SMAP2: variants seen among roughly 807,000 people sequenced by gnomAD.
The protein encoded by SMAP2 is stromal membrane-associated protein 2.
SMAP2 carries 25 observed loss-of-function variants against 56.4 expected under a neutral mutation model. The observed-to-expected ratio is 0.44, with a 90% CI of 0.32 to 0.62. The LOEUF (loss-of-function observed/expected upper bound fraction) is 0.62. SMAP2 is among the 20% of genes least tolerant of loss of function. SMAP2 has a pLI of 0.04. For missense variants in SMAP2, 388 were observed against 545.6 expected, an observed-to-expected ratio of 0.71 and a Z score of 2.88; for synonymous variants, 157 against 181.7, an observed-to-expected ratio of 0.86 and a Z score of 1.09.
chr1:40,410,404 G>A (rs1201403814), intron 4 of SMAP2, among the ~76,000 whole-genome samples: 12 of 151,492 alleles, frequency 7.9e-5, no homozygotes. Flanking sequence ...GGATGGACAT[G>A]TTGCATATAC....
chr1:40,349,822 A>G (rs777815862), intron 1 of SMAP2, among the ~76,000 whole-genome samples: 1 of 152,174 alleles, frequency 6.6e-6, no homozygotes, highest in African/African-American at 2.4e-5. Context: ...CCCAGCCACA[A>G]GATTATTTTC....
intron 8 of SMAP2, among the ~76,000 whole-genome samples, chr1:40,416,561 G>C (rs1277369192): frequency 6.6e-6 from 1 of 152,162 alleles, no homozygotes; most frequent in Non-Finnish European, 1.5e-5. Flanking sequence ...TCTAGCTCAA[G>C]GTCTGGATCT....
intron 1 of SMAP2, among the ~76,000 whole-genome samples, chr1:40,347,666 C>G (rs1028307193): frequency 6.6e-6 from 1 of 152,124 alleles, no homozygotes; most frequent in African/African-American, 2.4e-5. Flanking sequence ...CTGTACCTGG[C>G]CTGTCTTCAG....
chr1:40,419,349 C>CGGCTCA (rs1557472878), intron 9 of SMAP2, among the ~76,000 whole-genome samples: 2 of 150,214 alleles, frequency 1.3e-5, no homozygotes, highest in Admixed American at 6.6e-5. Flanking sequence ...GGCACAATCT[C>CGGCTCA]GGCTCACTGC....
intron 1 of SMAP2, among the ~76,000 whole-genome samples, chr1:40,350,774 C>A (rs1480928142): frequency 1.3e-5 from 2 of 152,116 alleles, no homozygotes; most frequent in African/African-American, 4.8e-5. Context: ...TGGAAGGAAC[C>A]AAACTGACAC....
chr1:40,359,051 A>G (rs1644448676), intron 1 of SMAP2, among the ~76,000 whole-genome samples: 1 of 151,896 alleles, frequency 6.6e-6, no homozygotes, highest in African/African-American at 2.4e-5. Flanking sequence ...TTTTGTTTTC[A>G]TTGACATGGA....
rs975328415 is a variant in SMAP2, at chr1:40,422,829, G to A, written c.*728G>A. On this transcript the variant is annotated 3_prime_UTR_variant, in exon 10 of 10. Coordinates refer to ENST00000372718, the MANE Select transcript of SMAP2 (RefSeq NM_022733.3). ...CCTGCCTTCAGTAGGATCTGGCTCCGTGGCTGGAGGACCAACCCCTATAGT... is the reference window on the plus strand; with the variant it reads ...CCTGCCTTCAGTAGGATCTGGCTCCATGGCTGGAGGACCAACCCCTATAGT... The A allele has an allele frequency of 2.0e-5, 3 of 152,938 alleles. No individual in the cohort carries two copies. The highest frequency in any genetic ancestry group is 2.1e-4 in the South Asian group (1 of 4,854). The allele number at this position is 152,938 out of a possible 1,614,324, so 9.5% of individuals were successfully genotyped here. A position where few individuals can be genotyped will look rare whatever the true frequency, so the allele number is the denominator to read the frequency against.
At chr1:40,392,899 A>G (rs1004898135) in intron 1 of SMAP2, among the ~76,000 whole-genome samples, 4 of 152,056 alleles carry the variant, frequency 2.6e-5, no homozygotes, top group African/African-American at 7.2e-5. Flanking sequence ...GGAGATCGAG[A>G]CCATCCTGAC....
In SMAP2 at chr1:40,380,529, C is replaced by CTTT. The variant is rs370625950; in HGVS notation, c.103+6315_103+6317dup. On this transcript the variant is annotated intron_variant, in intron 1 of 9. Transcript: ENST00000372718. The stretch of plus-strand genomic sequence containing the variant: ...AATTATTTTAGCTGTATCTGTGGCA[C>CTTT]TTTTTTTTTTTCTCTTTTGAGATGG... 4.9e-5 allele frequency among the ~76,000 whole-genome samples: 7 copies of CTTT among 142,874 alleles called. 1 individual carries two copies. Among genetic ancestry groups the CTTT allele is most frequent in the Non-Finnish European group, 7.5e-5 (5 of 66,562 alleles). The allele number at this position is 142,874 out of a possible 152,430, so 93.7% of individuals were successfully genotyped here. A position where few individuals can be genotyped will look rare whatever the true frequency, so the allele number is the denominator to read the frequency against.
intron 1 of SMAP2, among the ~76,000 whole-genome samples, chr1:40,345,809 A>T (rs1644382947): frequency 2.0e-5 from 3 of 147,290 alleles, no homozygotes; most frequent in Non-Finnish European, 4.5e-5. Flanking sequence ...AAGGAGGGGA[A>T]GGTATTATGC....
At chr1:40,355,231 C>T (rs909011035) in intron 1 of SMAP2, among the ~76,000 whole-genome samples, 6 of 152,098 alleles carry the variant, frequency 3.9e-5, no homozygotes, top group Admixed American at 2.6e-4. Context: ...AGCACTCTTC[C>T]GGCCTCTACT....
intron 1 of SMAP2, among the ~76,000 whole-genome samples, chr1:40,388,742 G>A (rs1644686988): frequency 6.6e-6 from 1 of 152,210 alleles, no homozygotes; most frequent in Non-Finnish European, 1.5e-5. Context: ...AGCAGTGGCA[G>A]CCTGTTCGGG....
At chr1:40,416,682 C>A in intron 8 of SMAP2, 98 bp from the exon 9 acceptor site, 1 of 1,250,224 alleles carries the variant, frequency 8.0e-7, no homozygotes, top group Non-Finnish European at 1.1e-6. Context: ...TAGAGTAATC[C>A]TGAGAAATTC....
At chr1:40,417,132 G>T in intron 9 of SMAP2, 36 bp downstream of exon 9, 1 of 1,526,844 alleles carries the variant, frequency 6.5e-7, no homozygotes, top group South Asian at 1.2e-5. Flanking sequence ...CAAGAGTTTT[G>T]AGCCTTCCTC....
At chr1:40,379,338 A>T (rs971721627) in intron 1 of SMAP2, among the ~76,000 whole-genome samples, 12 of 152,232 alleles carry the variant, frequency 7.9e-5, no homozygotes, top group African/African-American at 2.9e-4. Context: ...ATTACATTTA[A>T]ATATATTCCT....
At chr1:40,375,184 C>T (rs75359104) in intron 1 of SMAP2, among the ~76,000 whole-genome samples, 3 of 151,908 alleles carry the variant, frequency 2.0e-5, no homozygotes, top group Non-Finnish European at 2.9e-5. Flanking sequence ...TCTTTTTTTC[C>T]TGTATTTTCT....
In SMAP2 at chr1:40,374,275, G is replaced by T; in HGVS notation, c.103+52G>T. On this transcript the variant is annotated intron_variant, in intron 1 of 9. Transcript: ENST00000372718. The surrounding 1 kb of genome is among the most constrained non-coding windows in gnomAD (Gnocchi z 5.9). ...GGGTCCAGCCGCGCCGGGGTGGTGG[G>T]GGTGGGCTGCGTGAAGAGGCGGTTT... 6.7e-7 allele frequency: 1 copy of T among 1,493,192 alleles called. No homozygotes were observed. Among genetic ancestry groups the T allele is most frequent in the South Asian group, 1.2e-5 (1 of 84,462 alleles). The allele number at this position is 1,493,192 out of a possible 1,614,324, so 92.5% of individuals were successfully genotyped here.
In SMAP2 at chr1:40,422,047, T is replaced by G. The variant is rs1645048664; in HGVS notation, c.1236T>G (p.Ser412Arg). Residue 412 changes from serine (S) to arginine (R), a missense_variant, in exon 10 of 10, where the codon AGT (serine) becomes AGG (arginine). Transcript: ENST00000372718. ...NGMMNYGQSMSGGNGQAANQT... is the reference protein window; with the variant it reads ...NGMMNYGQSMRGGNGQAANQT... The stretch of plus-strand genomic sequence containing the variant: ...TGATGAACTATGGACAGTCAATGAG[T>G]GGCGGAAATGGACAGGCAGCAAATC... 1 of 1,614,072 alleles carries G rather than the reference T, an allele frequency of 6.2e-7. No homozygotes were observed. The highest frequency in any genetic ancestry group is 8.5e-7 in the Non-Finnish European group (1 of 1,179,984).
Position 40,380,529 on chromosome 1 carries a change from C to CTT in SMAP2, c.103+6316_103+6317dup, listed in dbSNP as rs370625950. 2.3e-3 allele frequency among the ~76,000 whole-genome samples: 328 copies of CTT among 142,852 alleles called. 6 individuals are homozygous for CTT. In the South Asian group the frequency reaches 0.033, roughly 14 times the overall value. The allele number at this position is 142,852 out of a possible 152,430, so 93.7% of individuals were successfully genotyped here. On this transcript the variant is annotated intron_variant, in intron 1 of 9. Coordinates refer to ENST00000372718, the MANE Select transcript of SMAP2 (RefSeq NM_022733.3). ...AATTATTTTAGCTGTATCTGTGGCACTTTTTTTTTTTCTCTTTTGAGATGG... is the reference window on the plus strand; with the variant it reads ...AATTATTTTAGCTGTATCTGTGGCACTTTTTTTTTTTTTCTCTTTTGAGATGG...
Sources: gnomAD v4.1 joint callset for allele counts (sites outside exome capture counted in the v4.1 genomes callset) on GRCh38, gnomAD v4.1.1 for gene constraint, Gnocchi (gnomAD v3.1) non-coding constraint, MANE v1.5 for transcripts, NCBI Gene and HGNC (gene_info 2026-07-23, HGNC 2026-07-21) for gene names.